Variants in AFAP1L2 observed in about 807,000 individuals in gnomAD.
AFAP1L2 encodes actin filament-associated protein 1-like 2.
AFAP1L2 carries 46 observed loss-of-function variants against 99.3 expected under a neutral mutation model. That is an observed-to-expected ratio of 0.46 (90% CI 0.37 to 0.59). AFAP1L2 has a LOEUF of 0.59. Ranked by LOEUF, AFAP1L2 falls within the 20% of genes least tolerant of loss-of-function variation. The probability of loss-of-function intolerance (pLI) is 0.00; values close to 1 mark genes in which losing one functional copy is unlikely to be tolerated. For synonymous variants in AFAP1L2, 397 were observed against 419.1 expected (o/e 0.95, Z 0.64); for missense variants, 959 against 1,034.9 (o/e 0.93, Z 1.01).
At chr10:114,349,808 AG>A (rs952368461) in intron 1 of AFAP1L2, among the ~76,000 whole-genome samples, 2 of 3,082 alleles carry the variant, frequency 6.5e-4, no homozygotes, top group Non-Finnish European at 1.2e-3. Context: ...AGAAATGGCG[AG>A]GGGGGCGGGG....
intron 4 of AFAP1L2, among the ~76,000 whole-genome samples, chr10:114,325,537 C>A (rs1331839799): frequency 6.6e-6 from 1 of 152,188 alleles, no homozygotes; most frequent in Non-Finnish European, 1.5e-5. Context: ...CATGTGGCAC[C>A]CCCTACAAAG....
chr10:114,395,102 A>T (rs1312798988), intron 1 of AFAP1L2, among the ~76,000 whole-genome samples: 1 of 152,184 alleles, frequency 6.6e-6, no homozygotes, highest in African/African-American at 2.4e-5. Flanking sequence ...GCAGTCAAGC[A>T]GTAGGTGCCA....
chr10:114,292,402 A>T (rs1008225255), downstream of AFAP1L2, among the ~76,000 whole-genome samples: 3 of 152,000 alleles, frequency 2.0e-5, no homozygotes, highest in Non-Finnish European at 4.4e-5. Flanking sequence ...GGATAAAGAA[A>T]CTTACAGAGA....
chr10:114,367,961 G>A (rs1359007999), intron 1 of AFAP1L2, among the ~76,000 whole-genome samples: 1 of 152,214 alleles, frequency 6.6e-6, no homozygotes, highest in African/African-American at 2.4e-5. Flanking sequence ...CAGACAGGGA[G>A]CAGAGATAAG....
intron 2 of AFAP1L2, among the ~76,000 whole-genome samples, chr10:114,336,492 T>G (rs946719053): frequency 1.8e-4 from 28 of 152,004 alleles, no homozygotes; most frequent in Admixed American, 1.5e-3. Flanking sequence ...CGTTACACAG[T>G]GGGTGGGAAA....
chr10:114,362,986 G>A (rs1352584008), intron 1 of AFAP1L2: 2 of 985,344 alleles, frequency 2.0e-6, no homozygotes, highest in Non-Finnish European at 2.4e-6. Context: ...ATTCCCTGGT[G>A]GCAGCCCGAC....
rs200650271 is a variant in AFAP1L2 at position 114,334,893 on chromosome 10, G to A, written c.146-1598C>T. 3.7e-4 allele frequency among the ~76,000 whole-genome samples: 57 copies of A among 152,322 alleles called. No individual in the cohort carries two copies. In the East Asian group the frequency reaches 0.01, roughly 28 times the overall value. On this transcript the variant is annotated intron_variant, in intron 2 of 18. Transcript: ENST00000304129. ...CAAAGCACCTAACCCTTGTGCCTCC[G>A]TTTTCTTGTCTGCATGACAAAATAC...
chr10:114,324,779 G>A (rs929036388), intron 4 of AFAP1L2, among the ~76,000 whole-genome samples: 1 of 152,220 alleles, frequency 6.6e-6, no homozygotes, highest in African/African-American at 2.4e-5. Flanking sequence ...AGCAGCCAAT[G>A]GAAGGACGCT....
intron 7 of AFAP1L2, 74 bp downstream of exon 7, chr10:114,313,797 A>G (rs2043652170): frequency 6.9e-7 from 1 of 1,448,162 alleles, no homozygotes; most frequent in Admixed American, 2.2e-5. Flanking sequence ...CCCTGACCCT[A>G]TCATCCATCC....
At chr10:114,360,509 T>TAGATAGATAGTTAGATAGA (rs61366681) in intron 1 of AFAP1L2, among the ~76,000 whole-genome samples, 60 of 107,410 alleles carry the variant, frequency 5.6e-4, no homozygotes, top group African/African-American at 1.5e-3. Flanking sequence ...AGATAGATAG[T>TAGATAGATAGTTAGATAGA]TAGATAGATA....
intron 2 of AFAP1L2, among the ~76,000 whole-genome samples, chr10:114,336,555 G>A (rs2048004555): frequency 6.6e-6 from 1 of 152,224 alleles, no homozygotes; most frequent in Non-Finnish European, 1.5e-5. Flanking sequence ...TTAGAGGTCT[G>A]CAGAGGGTGG....
chr10:114,340,470 C>T (rs1247156625), intron 2 of AFAP1L2, 133 bp downstream of exon 2: 1 of 1,248,598 alleles, frequency 8.0e-7, no homozygotes, highest in Non-Finnish European at 1.1e-6. Flanking sequence ...AGACTTCTGG[C>T]CTCCAGAAGT....
chr10:114,280,802 A>T, the AFAP1L2 span: 1 of 152,202 alleles, frequency 6.6e-6, no homozygotes, highest in South Asian at 2.1e-4. Flanking sequence ...ACAGTGGCAG[A>T]ATCATGGCTT....
chr10:114,357,416 G>T (rs1312052048), intron 1 of AFAP1L2, among the ~76,000 whole-genome samples: 1 of 152,110 alleles, frequency 6.6e-6, no homozygotes, highest in African/African-American at 2.4e-5. Flanking sequence ...TGACCTTGAA[G>T]CCAGGCTTTA....
chr10:114,363,430 A>G (rs1325948593), intron 1 of AFAP1L2, among the ~76,000 whole-genome samples: 2 of 152,158 alleles, frequency 1.3e-5, no homozygotes, highest in Non-Finnish European at 2.9e-5. Flanking sequence ...TTGCTCTCTG[A>G]TCCTGGCTCC....
intron 1 of AFAP1L2, among the ~76,000 whole-genome samples, chr10:114,397,506 G>A (rs1289069092): frequency 6.6e-6 from 1 of 152,032 alleles, no homozygotes; most frequent in African/African-American, 2.4e-5. Context: ...TGTTTGCTAT[G>A]GAGAAATCAA....
At chr10:114,312,171 G>A (rs1176652277) in intron 7 of AFAP1L2, among the ~76,000 whole-genome samples, 1 of 152,134 alleles carries the variant, frequency 6.6e-6, no homozygotes, top group Non-Finnish European at 1.5e-5. Flanking sequence ...CTAGGGGCCA[G>A]GGAGAAGATC....
chr10:114,287,769 G>A, the AFAP1L2 span, among the ~76,000 whole-genome samples: 3 of 152,140 alleles, frequency 2.0e-5, no homozygotes, highest in Non-Finnish European at 4.4e-5. Context: ...CCCACACCCA[G>A]TTTCCCCTCC....
intron 1 of AFAP1L2, among the ~76,000 whole-genome samples, chr10:114,359,818 A>C (rs1282960848): frequency 6.6e-6 from 1 of 152,162 alleles, no homozygotes; most frequent in Non-Finnish European, 1.5e-5. Context: ...GGAAACTCAG[A>C]AGGCTAAGTA....
Sources: gnomAD v4.1 joint callset for allele counts (sites outside exome capture counted in the v4.1 genomes callset) on GRCh38, gnomAD v4.1.1 for gene constraint, MANE v1.5 for transcripts, NCBI Gene and HGNC (gene_info 2026-07-23, HGNC 2026-07-21) for gene names.